Variants in CYP19A1 observed in about 807,000 individuals in gnomAD.
CYP19A1 encodes aromatase.
CYP19A1 carries 32 observed loss-of-function variants against 44.4 expected under a neutral mutation model. That is an observed-to-expected ratio of 0.72 (90% CI 0.54 to 0.97). The LOEUF is 0.97. Ranked by LOEUF, CYP19A1 falls within the 50% of genes least tolerant of loss-of-function variation. CYP19A1 has a pLI of 0.00. For missense variants in CYP19A1, 598 were observed against 637.8 expected (o/e 0.94, Z 0.67); for synonymous variants, 212 against 215.6 (o/e 0.98, Z 0.14).
Position 51,212,305 on chromosome 15 carries a change from A to C in CYP19A1, c.1263+15T>G. ...TTCAAGAGTGGCACACTCAGTTTTAAGGAAGGGCTCTTACATTCTTTGCAA... is the reference window on the plus strand; with the variant it reads ...TTCAAGAGTGGCACACTCAGTTTTACGGAAGGGCTCTTACATTCTTTGCAA... On this transcript the variant is annotated intron_variant, in intron 9 of 9. Transcript: ENST00000396402. 4 of 1,568,638 alleles carry C rather than the reference A, an allele frequency of 2.5e-6. No homozygotes were observed. Among genetic ancestry groups the C allele is most frequent in the Non-Finnish European group, 3.5e-6 (4 of 1,138,622 alleles).
At chr15:51,294,137 G>C (rs1309874765) in intron 1 of CYP19A1, among the ~76,000 whole-genome samples, 1 of 126,942 alleles carries the variant, frequency 7.9e-6, no homozygotes, top group Non-Finnish European at 1.5e-5. Flanking sequence ...GCTGCCCATC[G>C]TCTGGGATGT....
chr15:51,252,203 C>G (rs961027507), intron 1 of CYP19A1, among the ~76,000 whole-genome samples: 2 of 152,184 alleles, frequency 1.3e-5, no homozygotes, highest in African/African-American at 2.4e-5. Context: ...GAGTCCCAGA[C>G]CCATTCTAAG....
intron 1 of CYP19A1, among the ~76,000 whole-genome samples, chr15:51,270,680 T>G (rs966846700): frequency 1.3e-5 from 2 of 152,216 alleles, no homozygotes; most frequent in Non-Finnish European, 2.9e-5. Flanking sequence ...GAAGTAGAGA[T>G]TAAATCTCTT....
At chr15:51,240,746 G>C (rs1386574961) in intron 2 of CYP19A1, among the ~76,000 whole-genome samples, 1 of 152,146 alleles carries the variant, frequency 6.6e-6, no homozygotes, top group African/African-American at 2.4e-5. Flanking sequence ...CATCAACCTG[G>C]GCTTTAGGAC....
intron 1 of CYP19A1, among the ~76,000 whole-genome samples, chr15:51,298,949 G>A (rs1169757511): frequency 7.2e-5 from 11 of 152,254 alleles, no homozygotes; most frequent in Non-Finnish European, 1.6e-4. Flanking sequence ...TGCCCACATG[G>A]CTAGTGGGAA....
intron 1 of CYP19A1, among the ~76,000 whole-genome samples, chr15:51,267,399 T>C (rs1257337170): frequency 6.6e-6 from 1 of 152,194 alleles, no homozygotes; most frequent in Non-Finnish European, 1.5e-5. Flanking sequence ...TCTGTCCACC[T>C]GTCTCGGCAG....
At chr15:51,309,328 A>G (rs2036269746) in intron 1 of CYP19A1, among the ~76,000 whole-genome samples, 1 of 152,180 alleles carries the variant, frequency 6.6e-6, no homozygotes. Flanking sequence ...ATGAGAAATA[A>G]ATGTTTGTTG....
chr15:51,223,629 A>G (rs1012690645), intron 4 of CYP19A1, among the ~76,000 whole-genome samples: 3 of 150,476 alleles, frequency 2.0e-5, no homozygotes, highest in Non-Finnish European at 3.0e-5. Flanking sequence ...ACACACACAC[A>G]CACACACTGG....
At chr15:51,283,060 G>GT (rs994948868) in intron 1 of CYP19A1, among the ~76,000 whole-genome samples, 12 of 151,972 alleles carry the variant, frequency 7.9e-5, no homozygotes, top group Middle Eastern at 3.4e-3. Context: ...AAAAATTCCA[G>GT]TTTTTTTTGG....
chr15:51,227,837 G>T lies in CYP19A1; in HGVS notation c.393C>A (p.Gly131=). 2 of 1,531,260 alleles carry T rather than the reference G, an allele frequency of 1.3e-6. No homozygotes were observed. The highest frequency in any genetic ancestry group is 1.8e-6 in the Non-Finnish European group (2 of 1,104,508). 94.9% of individuals were successfully genotyped at this position (1,531,260 alleles called of 1,614,324 possible). A position where few individuals can be genotyped will look rare whatever the true frequency, so the allele number is the denominator to read the frequency against. ...GLQCIGMHEK[G]IIFNNNPELW... is the part of the protein sequence containing the mutation. ...GCTCTGGATTGTTGTTAAATATGAT[G>T]CCTTTCTCATGCATACCGATGCACT... The change falls in exon 4 of 10, where the codon GGC becomes GGA. Residue 131 remains glycine (G), a synonymous_variant. Transcript: ENST00000396402.
At chr15:51,330,697 T>C (rs1566928516) in intron 1 of CYP19A1, among the ~76,000 whole-genome samples, 1 of 151,698 alleles carries the variant, frequency 6.6e-6, no homozygotes, top group Non-Finnish European at 1.5e-5. Flanking sequence ...TGCACAGAAG[T>C]TGAAGAACAG....
chr15:51,215,897 G>A, intron 6 of CYP19A1, 80 bp from the exon 7 acceptor site: 2 of 1,598,038 alleles, frequency 1.3e-6, no homozygotes, highest in Non-Finnish European at 1.7e-6. Flanking sequence ...CATGTATTTA[G>A]GTAAAATGAT....
chr15:51,243,805 G>A (rs1400627526), intron 1 of CYP19A1, among the ~76,000 whole-genome samples: 4 of 152,204 alleles, frequency 2.6e-5, no homozygotes, highest in Non-Finnish European at 1.5e-5. Context: ...AGTCTGATGT[G>A]CTGGTTCTGC....
At chr15:51,261,168 C>T (rs910830902) in intron 1 of CYP19A1, among the ~76,000 whole-genome samples, 11 of 152,200 alleles carry the variant, frequency 7.2e-5, no homozygotes, top group East Asian at 1.9e-4. Flanking sequence ...CTGGGTTCCA[C>T]GGTTCTCTTC....
intron 1 of CYP19A1, among the ~76,000 whole-genome samples, chr15:51,293,449 T>C (rs1409785088): frequency 6.6e-6 from 1 of 152,220 alleles, no homozygotes; most frequent in Non-Finnish European, 1.5e-5. Flanking sequence ...ACCACTTGTG[T>C]AGGGTATGTC....
At chr15:51,277,912 A>G (rs1273290381) in intron 1 of CYP19A1, 1 of 151,940 alleles carries the variant, frequency 6.6e-6, no homozygotes, top group African/African-American at 2.4e-5. Context: ...CTCAAAAATG[A>G]ACATATTTCA....
intron 1 of CYP19A1, among the ~76,000 whole-genome samples, chr15:51,302,559 A>G (rs1375807404): frequency 6.6e-6 from 1 of 152,218 alleles, no homozygotes; most frequent in Non-Finnish European, 1.5e-5. Context: ...GTGTCCTCTT[A>G]CTAGAGAAGG....
intron 1 of CYP19A1, among the ~76,000 whole-genome samples, chr15:51,307,168 G>A (rs976420359): frequency 1.3e-5 from 2 of 152,220 alleles, no homozygotes; most frequent in Non-Finnish European, 2.9e-5. Flanking sequence ...TCCATGATTA[G>A]TAGTGTTTGG....
chr15:51,271,352 A>C (rs1422240933), intron 1 of CYP19A1, among the ~76,000 whole-genome samples: 2 of 152,124 alleles, frequency 1.3e-5, no homozygotes, highest in Non-Finnish European at 2.9e-5. Flanking sequence ...TACCCATAAA[A>C]AATTATAACA....
Sources: gnomAD v4.1 joint callset for allele counts (sites outside exome capture counted in the v4.1 genomes callset) on GRCh38, gnomAD v4.1.1 for gene constraint, MANE v1.5 for transcripts, NCBI Gene and HGNC (gene_info 2026-07-23, HGNC 2026-07-21) for gene names.